ACER3: variants seen among roughly 807,000 people sequenced by gnomAD.
The protein encoded by ACER3 is alkCDase 3.
Under a neutral mutation model 48.9 loss-of-function variants are expected in ACER3, and 16 were observed. That is an observed-to-expected ratio of 0.33 (90% CI 0.22 to 0.50). The LOEUF (loss-of-function observed/expected upper bound fraction) is 0.50. Ranked by LOEUF, ACER3 falls within the 20% of genes least tolerant of loss-of-function variation. ACER3 has a pLI of 0.98. For missense variants in ACER3, 227 were observed against 326.0 expected, an observed-to-expected ratio of 0.70 and a Z score of 2.34; for synonymous variants, 109 against 107.8, an observed-to-expected ratio of 1.01 and a Z score of -0.07.
chr11:76,876,365 C>T (rs897371605), intron 1 of ACER3, among the ~76,000 whole-genome samples: 1 of 151,244 alleles, frequency 6.6e-6, no homozygotes, highest in Non-Finnish European at 1.5e-5. Flanking sequence ...GGTAAGGCTT[C>T]TTTTGTTCAG....
At chr11:76,984,870 A>C (rs189350485) in intron 4 of ACER3, among the ~76,000 whole-genome samples, 1 of 152,270 alleles carries the variant, frequency 6.6e-6, no homozygotes, top group East Asian at 1.9e-4. Flanking sequence ...TATTTATTAC[A>C]TCCTTATTTA....
At chr11:76,984,780 A>C (rs1591031226) in intron 4 of ACER3, among the ~76,000 whole-genome samples, 1 of 152,366 alleles carries the variant, frequency 6.6e-6, no homozygotes, top group Non-Finnish European at 1.5e-5. Context: ...ATTAGTTGCA[A>C]GATATAGAAA....
intron 10 of ACER3, 110 bp from the exon 11 acceptor site, chr11:77,020,163 TA>T: frequency 1.8e-6 from 2 of 1,118,576 alleles, no homozygotes. Flanking sequence ...GGACAATCAC[TA>T]GCAAACCTAC....
rs575045221 is a variant in ACER3, at chr11:77,025,412, T to TATATATATATATA, written c.*5085_*5086insATATATATATATA. ...ATTCTTTATATATATATATATATAT[T>TATATATATATATA]TATTTATTTTTTTGAGACAGAGTCT... On this transcript the variant is annotated 3_prime_UTR_variant, in exon 11 of 11. Transcript: ENST00000532485. 3.0e-4 allele frequency: 21 copies of TATATATATATATA among 69,242 alleles called. No homozygotes were observed. The highest frequency in any genetic ancestry group is 8.5e-4 in the African/African-American group (20 of 23,468). The allele number at this position is 69,242 out of a possible 1,614,324, so 4.3% of individuals were successfully genotyped here.
At chr11:76,999,308 TGA>T (rs2135261670) in intron 7 of ACER3, among the ~76,000 whole-genome samples, 1 of 152,026 alleles carries the variant, frequency 6.6e-6, no homozygotes, top group East Asian at 1.9e-4. Context: ...ATAACATTCA[TGA>T]GATTACCTTA....
At chr11:76,868,134 T>G (rs1331278238) in intron 1 of ACER3, 2 of 1,289,664 alleles carry the variant, frequency 1.6e-6, no homozygotes, top group East Asian at 1.1e-4. Flanking sequence ...CTTCCTACCA[T>G]CCTCCCTGAA....
chr11:76,978,654 T>C (rs745353666), intron 4 of ACER3: 2 of 153,008 alleles, frequency 1.3e-5, no homozygotes, highest in Non-Finnish European at 2.9e-5. Flanking sequence ...GGCTGAAACA[T>C]ATCCCTCTCC....
intron 7 of ACER3, among the ~76,000 whole-genome samples, chr11:77,010,012 G>A (rs1328611618): frequency 6.6e-6 from 1 of 152,010 alleles, no homozygotes; most frequent in Non-Finnish European, 1.5e-5. Context: ...GAGGTATATT[G>A]TCAGTGAAGA....
chr11:76,939,427 C>A (rs1219307052), intron 2 of ACER3, among the ~76,000 whole-genome samples: 1 of 152,074 alleles, frequency 6.6e-6, no homozygotes, highest in Non-Finnish European at 1.5e-5. Context: ...CTTGTCTTTG[C>A]AAAACAAAAA....
Position 76,896,714 on chromosome 11 carries a change from T to G in ACER3, c.104-29843T>G, listed in dbSNP as rs549985618. On this transcript the variant is annotated intron_variant, in intron 1 of 10. Coordinates refer to ENST00000532485, the MANE Select transcript of ACER3 (RefSeq NM_018367.7). ...ATGTTAGACTAGTGCTGTACCCTCT[T>G]TTTCTCAAACTTTTTGCTTTCAGGA... 6.9e-4 allele frequency among the ~76,000 whole-genome samples: 105 copies of G among 152,300 alleles called. 3 individuals carry two copies. The highest frequency in any genetic ancestry group is 6.8e-3 in the Middle Eastern group (2 of 294).
In ACER3 at chr11:76,962,772, G is replaced by A. The variant is rs190781872; in HGVS notation, c.267+3741G>A. The stretch of plus-strand genomic sequence containing the variant: ...TACTTGAGAGAGTGTCATGCAGTGG[G>A]GTTTGGGGCTGCTACCTTTATGTGT... On this transcript the variant is annotated intron_variant, in intron 3 of 10. Transcript: ENST00000532485. Among the ~76,000 whole-genome samples, 2 of 151,536 alleles carry A rather than the reference G, an allele frequency of 1.3e-5. 1 individual carries two copies. Among genetic ancestry groups the A allele is most frequent in the African/African-American group, 4.9e-5 (2 of 40,802 alleles).
chr11:76,872,281 G>T (rs1202888960), intron 1 of ACER3, among the ~76,000 whole-genome samples: 1 of 152,020 alleles, frequency 6.6e-6, no homozygotes, highest in East Asian at 1.9e-4. Flanking sequence ...TCACCATGTT[G>T]GCCAGGCTTG....
intron 1 of ACER3, among the ~76,000 whole-genome samples, chr11:76,921,179 A>G (rs1946676912): frequency 6.6e-6 from 1 of 151,964 alleles, no homozygotes. Context: ...AATCCTTTTC[A>G]TGTCCTACTG....
At chr11:76,978,391 G>A (rs1262054522) in intron 4 of ACER3, 1 of 152,284 alleles carries the variant, frequency 6.6e-6, no homozygotes, top group African/African-American at 2.4e-5. Flanking sequence ...CAGATGACTG[G>A]AGGACCTACC....
intron 1 of ACER3, among the ~76,000 whole-genome samples, chr11:76,874,404 A>T (rs1233529964): frequency 8.8e-5 from 1 of 11,420 alleles, no homozygotes; most frequent in East Asian, 1.3e-3. Flanking sequence ...AAAATAAGTT[A>T]AAAAAAAAAA....
intron 2 of ACER3, among the ~76,000 whole-genome samples, chr11:76,950,317 C>A (rs1947610757): frequency 1.8e-5 from 2 of 114,044 alleles, no homozygotes; most frequent in Non-Finnish European, 3.5e-5. Flanking sequence ...CAATGGAAAG[C>A]CAATGGAGGG....
rs575615949 is a variant in ACER3, at chr11:77,009,670, G to A, written c.498-5346G>A. On this transcript the variant is annotated intron_variant, in intron 7 of 10. Coordinates refer to ENST00000532485, the MANE Select transcript of ACER3 (RefSeq NM_018367.7). ...CAAAAAAAATTAATAAATTAGGTAGGTGTGGTGGCACATACCTTTAGTCCC... is the reference window on the plus strand; with the variant it reads ...CAAAAAAAATTAATAAATTAGGTAGATGTGGTGGCACATACCTTTAGTCCC... Among the ~76,000 whole-genome samples the A allele has an allele frequency of 8.5e-5, 13 of 152,306 alleles. No individual in the cohort carries two copies. The East Asian group carries it at 1.7e-3, about 20-fold the overall frequency.
At chr11:76,868,425 GTGTGTGTA>G (rs1945159095) in intron 1 of ACER3, among the ~76,000 whole-genome samples, 1 of 150,812 alleles carries the variant, frequency 6.6e-6, no homozygotes, top group Non-Finnish European at 1.5e-5. Flanking sequence ...GTGTGTGTGT[GTGTGTGTA>G]TAGCCCATGG....
chr11:76,970,164 A>G (rs1278131710), intron 3 of ACER3, among the ~76,000 whole-genome samples: 1 of 152,126 alleles, frequency 6.6e-6, no homozygotes, highest in Non-Finnish European at 1.5e-5. Flanking sequence ...GGTGAGGATT[A>G]TAACGAGGCA....
Sources: gnomAD v4.1 joint callset for allele counts (sites outside exome capture counted in the v4.1 genomes callset) on GRCh38, gnomAD v4.1.1 for gene constraint, MANE v1.5 for transcripts, NCBI Gene and HGNC (gene_info 2026-07-23, HGNC 2026-07-21) for gene names.